The following ROBO2 variants were observed in gnomAD, a reference collection of about 807,000 sequenced individuals.
The protein encoded by ROBO2 is roundabout homolog 2.
In ROBO2, 53 loss-of-function variants were observed where a neutral mutation model predicts 160.8. The ratio of observed to expected loss-of-function variants is 0.33; its 90% CI spans 0.26 to 0.41. The LOEUF is 0.41. ROBO2 is among the 10% of genes least tolerant of loss of function. The pLI is 1.00. For missense variants in ROBO2, 1,577 were observed against 1,722.4 expected (o/e 0.92, Z 1.49); for synonymous variants, 664 against 611.7 (o/e 1.09, Z -1.26).
rs186978428 is a variant in ROBO2, at chr3:76,599,378, T to C, written c.110-498636T>C. ...CTAAGGATAATGGCCTCTAGCTCCA[T>C]TCATGTCCCTGCAAAGGACATAATC... On this transcript the variant is annotated intron_variant, in intron 2 of 26. Transcript: ENST00000487694. 3.5e-3 allele frequency among the ~76,000 whole-genome samples: 537 copies of C among 152,354 alleles called. 5 individuals are homozygous for C. The highest frequency in any genetic ancestry group is 0.012 in the African/African-American group (511 of 41,586).
rs1415201865 is a variant in ROBO2 at position 77,432,415 on chromosome 3, A to G, written c.389-44999A>G. On this transcript the variant is annotated intron_variant, in intron 2 of 25. Coordinates refer to ENST00000461745, the Ensembl canonical transcript of ROBO2. ...TAGCGGTGCATGGAAGCAATATTAA[A>G]TATAGTTTTTAGTTACCTCCACACC... is the stretch of plus-strand genomic sequence containing the variant. Among the ~76,000 whole-genome samples the G allele has an allele frequency of 2.6e-5, 4 of 152,168 alleles. No homozygotes were observed. In the East Asian group the frequency reaches 7.7e-4, roughly 29 times the overall value.
chr3:76,159,195 T>C (rs2072523939), intron 2 of ROBO2, among the ~76,000 whole-genome samples: 1 of 152,166 alleles, frequency 6.6e-6, no homozygotes, highest in South Asian at 2.1e-4. Flanking sequence ...AAAGAGACAG[T>C]CATAATGCCG....
At chr3:76,641,333 G>T (rs1446296810) in intron 2 of ROBO2, among the ~76,000 whole-genome samples, 5 of 152,068 alleles carry the variant, frequency 3.3e-5, no homozygotes, top group Non-Finnish European at 5.9e-5. Flanking sequence ...TCTTTGATAT[G>T]ATGCATACAG....
At chr3:76,761,779 T>A (rs1173807024) in intron 2 of ROBO2, among the ~76,000 whole-genome samples, 2 of 151,650 alleles carry the variant, frequency 1.3e-5, no homozygotes, top group Non-Finnish European at 3.0e-5. Context: ...TTTAGAATAT[T>A]GGGTGGCTGA....
intron 1 of ROBO2, among the ~76,000 whole-genome samples, chr3:77,061,696 C>T (rs550453175): frequency 5.3e-5 from 8 of 152,254 alleles, no homozygotes; most frequent in East Asian, 1.9e-4. Flanking sequence ...CACCATGGAT[C>T]GTGTCCTCAC....
intron 2 of ROBO2, among the ~76,000 whole-genome samples, chr3:76,069,553 A>G (rs1052965532): frequency 6.6e-6 from 1 of 151,816 alleles, no homozygotes; most frequent in African/African-American, 2.4e-5. Flanking sequence ...AAAGAAATAA[A>G]TTATTGTAAT....
chr3:76,896,998 A>C (rs185381867), intron 2 of ROBO2, among the ~76,000 whole-genome samples: 538 of 152,302 alleles, frequency 3.5e-3, no homozygotes, highest in Non-Finnish European at 5.4e-3. Flanking sequence ...CTGTGTGGAC[A>C]GTTGTCAGCA....
intron 2 of ROBO2, among the ~76,000 whole-genome samples, chr3:76,141,179 A>ATATATATATATATATATATATATT (rs1168896409): frequency 2.9e-5 from 3 of 104,492 alleles, no homozygotes; most frequent in East Asian, 3.3e-4. Context: ...ATATATATAT[A>ATATATATATATATATATATATATT]TATATATATT....
chr3:77,307,890 G>A (rs904634389), intron 2 of ROBO2, among the ~76,000 whole-genome samples: 7 of 151,924 alleles, frequency 4.6e-5, no homozygotes, highest in African/African-American at 1.5e-4. Context: ...CCCATAAAGC[G>A]GTGGTTGCAG....
intron 2 of ROBO2, among the ~76,000 whole-genome samples, chr3:76,395,682 T>C (rs1457991320): frequency 6.6e-6 from 1 of 152,086 alleles, no homozygotes; most frequent in Admixed American, 6.5e-5. Context: ...CATCAGAGAA[T>C]ACTATAAACA....
At chr3:76,402,458 T>C (rs1186983288) in intron 2 of ROBO2, among the ~76,000 whole-genome samples, 1 of 151,550 alleles carries the variant, frequency 6.6e-6, no homozygotes, top group Admixed American at 6.6e-5. Flanking sequence ...TTATAACTAG[T>C]GTAGTAGATT....
rs545244248 is a variant in ROBO2, at chr3:77,408,908, A to AT, written c.389-68500dup. Among the ~76,000 whole-genome samples, 86 of 151,718 alleles carry AT rather than the reference A, an allele frequency of 5.7e-4. 2 individuals carry two copies. The East Asian group carries it at 0.011, about 19-fold the overall frequency. On this transcript the variant is annotated intron_variant, in intron 2 of 25. Transcript: ENST00000461745. ...GCTGGCTAATTTTTTAAGTTTTAAAATTTTTTATAGAGGTAGGTCCTTGCT... is the reference window on the plus strand; with the variant it reads ...GCTGGCTAATTTTTTAAGTTTTAAAATTTTTTTATAGAGGTAGGTCCTTGCT...
At chr3:76,461,888 T>C (rs1186039413) in intron 2 of ROBO2, among the ~76,000 whole-genome samples, 1 of 152,144 alleles carries the variant, frequency 6.6e-6, no homozygotes, top group Non-Finnish European at 1.5e-5. Flanking sequence ...AAAGTAACAA[T>C]AGAGAAATAG....
chr3:76,108,565 G>T (rs184673614), intron 2 of ROBO2, among the ~76,000 whole-genome samples: 30 of 151,558 alleles, frequency 2.0e-4, no homozygotes, highest in Admixed American at 5.9e-4. Flanking sequence ...CTATACTATG[G>T]ATACTTTTCC....
At chr3:77,632,625 T>C in intron 23 of ROBO2, 2 of 1,535,656 alleles carry the variant, frequency 1.3e-6, no homozygotes, top group South Asian at 2.4e-5. Flanking sequence ...AAGCTGGTTT[T>C]AGGCTGGATG....
intron 2 of ROBO2, among the ~76,000 whole-genome samples, chr3:76,546,991 T>G (rs1161733084): frequency 4.6e-5 from 7 of 151,950 alleles, no homozygotes; most frequent in Non-Finnish European, 1.0e-4. Context: ...AGCAATCCAG[T>G]TTAAGAGCAA....
intron 2 of ROBO2, among the ~76,000 whole-genome samples, chr3:77,158,367 C>T (rs2078193439): frequency 6.6e-6 from 1 of 152,002 alleles, no homozygotes; most frequent in African/African-American, 2.4e-5. Context: ...TAGAGAACTA[C>T]CCACTGAAGT....
At chr3:76,676,091 C>T (rs924303270) in intron 2 of ROBO2, among the ~76,000 whole-genome samples, 13 of 152,096 alleles carry the variant, frequency 8.5e-5, no homozygotes, top group Non-Finnish European at 1.5e-4. Flanking sequence ...GTTGTAATTA[C>T]ATTATTGAAT....
chr3:77,615,423 C>T (rs550242397), intron 21 of ROBO2, among the ~76,000 whole-genome samples: 6 of 152,130 alleles, frequency 3.9e-5, no homozygotes. Flanking sequence ...AAATGTAATA[C>T]ATGTATCCAC....
Sources: allele counts gnomAD v4.1 joint callset (sites outside exome capture counted in the v4.1 genomes callset), GRCh38; gene constraint gnomAD v4.1.1; transcripts MANE v1.5; gene names NCBI Gene and HGNC (gene_info 2026-07-23, HGNC 2026-07-21).